Variants in ANK2 observed in about 807,000 individuals in gnomAD.
The protein encoded by ANK2 is ankyrin 2, also known as ankyrin-2.
A neutral mutation model predicts 360.5 loss-of-function variants in ANK2; 83 were observed. The ratio of observed to expected loss-of-function variants is 0.23; its 90% CI spans 0.19 to 0.28. ANK2 has a LOEUF of 0.28. ANK2 is among the 10% of genes least tolerant of loss of function. The pLI is 1.00. For synonymous variants in ANK2, 1,740 were observed against 1,759.5 expected (o/e 0.99, Z 0.28); for missense variants, 4,201 against 4,795.7 (o/e 0.88, Z 3.66).
At chr4:113,024,896 TAAA>T (rs2058938307) in intron 2 of ANK2, among the ~76,000 whole-genome samples, 1 of 152,162 alleles carries the variant, frequency 6.6e-6, no homozygotes, top group African/African-American at 2.4e-5. Flanking sequence ...TTTAGATAAA[TAAA>T]AAGAAGTCTG....
chr4:113,288,575 A>C (rs1425712142), intron 20 of ANK2, 89 bp downstream of exon 20: 1 of 1,126,354 alleles, frequency 8.9e-7, no homozygotes, highest in Non-Finnish European at 1.3e-6. Context: ...CTACAAGTGT[A>C]TTTTTTTCTT....
intron 2 of ANK2, among the ~76,000 whole-genome samples, chr4:112,992,199 A>C (rs2047061516): frequency 6.6e-6 from 1 of 151,386 alleles, no homozygotes; most frequent in Non-Finnish European, 1.5e-5. Context: ...GCTGGAGTAC[A>C]GTGGCGTGAT....
At position 112,843,291 on chromosome 4, in the gene ANK2, A is replaced by T. The variant is rs78439288; in HGVS notation, c.-40+25027A>T. 2.8e-3 allele frequency among the ~76,000 whole-genome samples: 420 copies of T among 152,304 alleles called. 2 individuals carry two copies. Among genetic ancestry groups the T allele is most frequent in the African/African-American group, 9.7e-3 (405 of 41,568 alleles). ...AAAAGATTTTGTGTACTAGAAATTT[A>T]TATTAAATTAGCACTTCTTCCTCAA... On this transcript the variant is annotated intron_variant, in intron 1 of 30. Coordinates refer to the ANK2 transcript ENST00000503271.
At chr4:112,781,970 C>G in the ANK2 span, among the ~76,000 whole-genome samples, 1 of 151,600 alleles carries the variant, frequency 6.6e-6, no homozygotes. Flanking sequence ...GCTGGGACAA[C>G]AGTTGCATAC....
chr4:112,972,459 G>T (rs56126520), intron 2 of ANK2, among the ~76,000 whole-genome samples: 28,845 of 151,984 alleles, frequency 0.19, 3,104 homozygotes, highest in East Asian at 0.37. Flanking sequence ...AGACATCTAC[G>T]TTTGGATGTC....
chr4:113,260,947 A>G (rs546583491), intron 13 of ANK2, among the ~76,000 whole-genome samples: 4 of 152,282 alleles, frequency 2.6e-5, no homozygotes, highest in African/African-American at 9.6e-5. Flanking sequence ...GCCTGAAATC[A>G]TGTTGCATTT....
chr4:113,305,119 T>A (rs922273848), intron 23 of ANK2, among the ~76,000 whole-genome samples: 3 of 151,580 alleles, frequency 2.0e-5, no homozygotes, highest in Non-Finnish European at 4.4e-5. Flanking sequence ...GGCGGGCGGA[T>A]CACGAGGTCA....
At position 112,933,704 on chromosome 4, in the gene ANK2, T is replaced by G. The variant is rs185665515; in HGVS notation, c.21+29190T>G. On this transcript the variant is annotated intron_variant, in intron 2 of 30. Coordinates refer to the ANK2 transcript ENST00000503271. Reference sequence around the variant, plus strand: ...TAATAGAGACGGGGTTTTGCCATGTTGGTCAGGCTGGTCTCGAACTCCTGA... The same window carrying G: ...TAATAGAGACGGGGTTTTGCCATGTGGGTCAGGCTGGTCTCGAACTCCTGA... 2.6e-5 allele frequency among the ~76,000 whole-genome samples: 4 copies of G among 152,274 alleles called. No individual in the cohort carries two copies. In the East Asian group the frequency reaches 7.7e-4, roughly 29 times the overall value.
intron 1 of ANK2, among the ~76,000 whole-genome samples, chr4:113,102,316 A>T (rs1318311741): frequency 6.6e-6 from 1 of 152,134 alleles, no homozygotes; most frequent in Non-Finnish European, 1.5e-5. Flanking sequence ...ATTCACTTAG[A>T]TGGGGAAGCC....
At chr4:112,763,887 ATC>A in the ANK2 span, among the ~76,000 whole-genome samples, 1 of 151,856 alleles carries the variant, frequency 6.6e-6, no homozygotes, top group African/African-American at 2.4e-5. Context: ...CTCTCCTTGG[ATC>A]TCTCACTCAC....
chr4:113,219,930 A>C (rs3025758), intron 4 of ANK2, among the ~76,000 whole-genome samples: 4,248 of 152,262 alleles, frequency 0.028, 98 homozygotes, highest in East Asian at 0.067. Flanking sequence ...GATAAACAAC[A>C]AAAAGGGGGT....
the ANK2 span, among the ~76,000 whole-genome samples, chr4:112,750,368 GA>G: frequency 6.6e-6 from 1 of 151,856 alleles, no homozygotes; most frequent in Non-Finnish European, 1.5e-5. Context: ...CTCAAAAAAA[GA>G]AAAAAAGATT....
chr4:112,910,295 G>A (rs750181832), intron 2 of ANK2, among the ~76,000 whole-genome samples: 8 of 152,164 alleles, frequency 5.3e-5, no homozygotes, highest in Non-Finnish European at 1.0e-4. Flanking sequence ...AAATGCTTAC[G>A]GCTTTTAGAA....
At chr4:112,959,529 C>G (rs6856652) in intron 2 of ANK2, among the ~76,000 whole-genome samples, 2,747 of 152,220 alleles carry the variant, frequency 0.018, 74 homozygotes, top group East Asian at 0.052. Context: ...GGTTTGGGAA[C>G]TTTGTGAATA....
At chr4:113,091,244 C>T (rs560079890) in intron 1 of ANK2, among the ~76,000 whole-genome samples, 1 of 152,244 alleles carries the variant, frequency 6.6e-6, no homozygotes, top group Admixed American at 6.5e-5. Flanking sequence ...GCCAACACAG[C>T]CTAAAATTTT....
intron 22 of ANK2, among the ~76,000 whole-genome samples, chr4:113,294,268 C>A (rs1337248483): frequency 6.6e-6 from 1 of 152,060 alleles, no homozygotes; most frequent in Non-Finnish European, 1.5e-5. Flanking sequence ...AAAGGAGCCT[C>A]CTGAGAGGGG....
At chr4:112,970,939 A>T (rs1369083219) in intron 2 of ANK2, among the ~76,000 whole-genome samples, 1 of 152,208 alleles carries the variant, frequency 6.6e-6, no homozygotes, top group Non-Finnish European at 1.5e-5. Flanking sequence ...ATTTCAAAAC[A>T]TCATGTTGCA....
At chr4:113,319,908 A>C (rs1227651038) in intron 26 of ANK2, among the ~76,000 whole-genome samples, 1 of 152,220 alleles carries the variant, frequency 6.6e-6, no homozygotes, top group Non-Finnish European at 1.5e-5. Flanking sequence ...ATAGATAAGA[A>C]TCTAGAAATC....
chr4:112,901,109 C>T (rs1308876511), intron 1 of ANK2, among the ~76,000 whole-genome samples: 1 of 152,198 alleles, frequency 6.6e-6, no homozygotes, highest in Non-Finnish European at 1.5e-5. Context: ...TCATCTCCAA[C>T]TACATTGGAA....
Sources: gnomAD v4.1 joint callset for allele counts (sites outside exome capture counted in the v4.1 genomes callset) on GRCh38, gnomAD v4.1.1 for gene constraint, MANE v1.5 for transcripts, NCBI Gene and HGNC (gene_info 2026-07-23, HGNC 2026-07-21) for gene names.